The following KCNMA1 variants were observed in gnomAD, a reference collection of about 807,000 sequenced individuals.
The protein encoded by KCNMA1 is Calcium-activated potassium channel subunit alpha-1.
KCNMA1 carries 29 observed loss-of-function variants against 140.0 expected under a neutral mutation model. The ratio of observed to expected loss-of-function variants is 0.21; its 90% CI spans 0.15 to 0.28. The LOEUF (loss-of-function observed/expected upper bound fraction) is 0.28. Among genes scored for constraint, KCNMA1 ranks in the 10% least tolerant of loss-of-function variants. The pLI is 1.00. For synonymous variants in KCNMA1, 612 were observed against 611.9 expected, an observed-to-expected ratio of 1.00 and a Z score of 0.00; for missense variants, 880 against 1,602.2, an observed-to-expected ratio of 0.55 and a Z score of 7.70.
intron 6 of KCNMA1, among the ~76,000 whole-genome samples, chr10:77,113,981 G>C (rs1321853208): frequency 6.6e-6 from 1 of 152,104 alleles, no homozygotes; most frequent in East Asian, 1.9e-4. Context: ...CCCTACTTAA[G>C]TATTTCTGTT....
intron 3 of KCNMA1, among the ~76,000 whole-genome samples, chr10:77,213,119 A>T (rs1268997452): frequency 6.6e-6 from 1 of 152,156 alleles, no homozygotes; most frequent in Non-Finnish European, 1.5e-5. Context: ...ACATAATTAG[A>T]ATGTGCAATA....
intron 1 of KCNMA1, among the ~76,000 whole-genome samples, chr10:77,535,219 A>G (rs2058625228): frequency 6.6e-6 from 1 of 152,196 alleles, no homozygotes; most frequent in South Asian, 2.1e-4. Flanking sequence ...TACTCCAACC[A>G]GGGCTCAAAA....
rs145688325 is a variant in KCNMA1 at position 77,244,966 on chromosome 10, C to T, written c.602+6229G>A. ...TGTTCCCTTCACAGATGTGCAGTGC[C>T]GTTCTGAACATCCTGCCCTTGAACT... On this transcript the variant is annotated intron_variant, in intron 3 of 27. Transcript: ENST00000286628. 1.2e-4 allele frequency among the ~76,000 whole-genome samples: 19 copies of T among 152,104 alleles called. No individual in the cohort carries two copies. In the East Asian group the frequency reaches 2.9e-3, roughly 23 times the overall value.
chr10:77,514,680 C>T (rs1243269376), intron 1 of KCNMA1, among the ~76,000 whole-genome samples: 4 of 152,176 alleles, frequency 2.6e-5, no homozygotes, highest in African/African-American at 7.2e-5. Flanking sequence ...AATAAAGACT[C>T]GCTGAGCACC....
chr10:77,496,553 C>A (rs1178278987), intron 1 of KCNMA1, among the ~76,000 whole-genome samples: 2 of 142,160 alleles, frequency 1.4e-5, no homozygotes, highest in Non-Finnish European at 3.0e-5. Flanking sequence ...GCCAAGATTG[C>A]GCCACTGCAC....
chr10:77,084,810 A>G, intron 11 of KCNMA1, 91 bp from the exon 12 acceptor site: 1 of 879,900 alleles, frequency 1.1e-6, no homozygotes, highest in Non-Finnish European at 1.8e-6. Flanking sequence ...TTCTTGGGGA[A>G]GCTTTGCAAA....
intron 23 of KCNMA1, among the ~76,000 whole-genome samples, chr10:76,919,023 T>TGGA (rs75280658): frequency 0.02 from 3,042 of 152,030 alleles, 41 homozygotes; most frequent in Non-Finnish European, 0.03. Flanking sequence ...TGGATGAGAC[T>TGGA]GGAGACTATT....
In KCNMA1 at chr10:77,105,489, C is replaced by A. The variant is rs143206351; in HGVS notation, c.1223+2992G>T. Among the ~76,000 whole-genome samples, 849 of 152,236 alleles carry A rather than the reference C, an allele frequency of 5.6e-3. 14 individuals carry two copies. Among genetic ancestry groups the A allele is most frequent in the African/African-American group, 0.019 (800 of 41,534 alleles). ...TCATGAGTTACCTTGAGTTCTCTGA[C>A]AAGTTAATATATTGTTAGAGAAATC... On this transcript the variant is annotated intron_variant, in intron 9 of 27. Coordinates refer to ENST00000286628, the MANE Select transcript of KCNMA1 (RefSeq NM_001161352.2).
chr10:77,260,083 A>C (rs1448186300), intron 2 of KCNMA1, among the ~76,000 whole-genome samples: 1 of 152,228 alleles, frequency 6.6e-6, no homozygotes, highest in Non-Finnish European at 1.5e-5. Context: ...GGTGAGATGC[A>C]GTTCCAGGTA....
At chr10:77,351,713 G>A (rs140744686) in intron 2 of KCNMA1, among the ~76,000 whole-genome samples, 5 of 152,292 alleles carry the variant, frequency 3.3e-5, no homozygotes, top group East Asian at 1.9e-4. Flanking sequence ...TAGGTCTGGA[G>A]GGTCCCCAAG....
chr10:77,027,796 C>T, intron 16 of KCNMA1, 27 bp downstream of exon 16: 1 of 1,602,392 alleles, frequency 6.2e-7, no homozygotes, highest in Non-Finnish European at 8.6e-7. Context: ...AAAGTGTCAG[C>T]TGGCTGCTGG....
intron 1 of KCNMA1, among the ~76,000 whole-genome samples, chr10:77,502,761 G>C (rs1246562586): frequency 2.0e-5 from 3 of 152,118 alleles, no homozygotes; most frequent in Non-Finnish European, 2.9e-5. Context: ...ACCTGGAAAA[G>C]GGCAATAATA....
intron 1 of KCNMA1, among the ~76,000 whole-genome samples, chr10:77,407,149 A>G (rs979379903): frequency 3.9e-5 from 6 of 152,156 alleles, no homozygotes; most frequent in African/African-American, 1.4e-4. Flanking sequence ...TGCTTACACT[A>G]GATGTTGTGA....
chr10:76,886,297 G>A lies in KCNMA1; in HGVS notation c.*969C>T, dbSNP rs199659400. 4 of 985,168 alleles carry A rather than the reference G, an allele frequency of 4.1e-6. No individual in the cohort carries two copies. Among genetic ancestry groups the A allele is most frequent in the African/African-American group, 1.7e-5 (1 of 57,198 alleles). 61.0% of individuals were successfully genotyped at this position (985,168 alleles called of 1,614,324 possible). On this transcript the variant is annotated 3_prime_UTR_variant, in exon 28 of 28. Transcript: ENST00000286628. ...CATGGAAAAATACTTGCTCTTTCCT[G>A]AGCATTATTTATTCTGTACATAAGG...
At chr10:76,887,926 C>G (rs2037953858) in intron 27 of KCNMA1, 1 of 261,300 alleles carries the variant, frequency 3.8e-6, no homozygotes, top group Admixed American at 5.0e-5. Flanking sequence ...TTTACCATGA[C>G]AGAGTGTCTC....
At chr10:77,574,260 G>GTA (rs139904997) in intron 1 of KCNMA1, among the ~76,000 whole-genome samples, 12,911 of 148,420 alleles carry the variant, frequency 0.087, 1,193 homozygotes, top group East Asian at 0.51. Flanking sequence ...CTATGCGTGT[G>GTA]TATATATATA....
chr10:77,229,565 G>T (rs370601641), intron 3 of KCNMA1, among the ~76,000 whole-genome samples: 1 of 152,118 alleles, frequency 6.6e-6, no homozygotes, highest in South Asian at 2.1e-4. Flanking sequence ...GAGAAACCAA[G>T]ATTTGCAGAG....
At chr10:77,297,535 G>C (rs914809466) in intron 2 of KCNMA1, among the ~76,000 whole-genome samples, 1 of 152,140 alleles carries the variant, frequency 6.6e-6, no homozygotes, top group African/African-American at 2.4e-5. Flanking sequence ...TTTATAACCA[G>C]CTGAGTCATC....
intron 1 of KCNMA1, among the ~76,000 whole-genome samples, chr10:77,548,183 C>A (rs1399185924): frequency 6.6e-6 from 1 of 151,968 alleles, no homozygotes; most frequent in Non-Finnish European, 1.5e-5. Flanking sequence ...CACAGGAAGC[C>A]AAAAAAGGAA....
Sources: allele counts gnomAD v4.1 joint callset (sites outside exome capture counted in the v4.1 genomes callset), GRCh38; gene constraint gnomAD v4.1.1; transcripts MANE v1.5; gene names NCBI Gene and HGNC (gene_info 2026-07-23, HGNC 2026-07-21).